The following TMEM120B variants were observed in gnomAD, a reference collection of about 807,000 sequenced individuals.
The protein encoded by TMEM120B is transmembrane protein 120B.
TMEM120B carries 31 observed loss-of-function variants against 55.5 expected under a neutral mutation model. The ratio of observed to expected loss-of-function variants is 0.56; its 90% CI spans 0.42 to 0.75. The LOEUF (loss-of-function observed/expected upper bound fraction) is 0.75. Among genes scored for constraint, TMEM120B ranks in the 30% least tolerant of loss-of-function variants. TMEM120B has a pLI of 0.00. For missense variants in TMEM120B, 399 were observed against 425.5 expected (o/e 0.94, Z 0.55); for synonymous variants, 203 against 176.3 (o/e 1.15, Z -1.20).
At chr12:121,773,292 T>C in intron 8 of TMEM120B, 129 bp from the exon 9 acceptor site, 3 of 746,096 alleles carry the variant, frequency 4.0e-6, no homozygotes, top group Non-Finnish European at 2.2e-6. Context: ...TGGGAGAGGG[T>C]TGTAACCAGG....
chr12:121,778,573 T>C lies in TMEM120B; in HGVS notation c.*2851T>C, dbSNP rs558451578. The stretch of plus-strand genomic sequence containing the variant: ...TCTATGAACCAGTTCTGAGAAACTG[T>C]CCCGCGTGGACAGGGGGTAGATCCC... On this transcript the variant is annotated 3_prime_UTR_variant, in exon 12 of 12. Transcript: ENST00000449592. The C allele has an allele frequency of 6.6e-6, 1 of 152,152 alleles. No individual in the cohort carries two copies. Among genetic ancestry groups the C allele is most frequent in the East Asian group, 1.9e-4 (1 of 5,170 alleles). The allele number at this position is 152,152 out of a possible 1,614,324, so 9.4% of individuals were successfully genotyped here. A position where few individuals can be genotyped will look rare whatever the true frequency, so the allele number is the denominator to read the frequency against.
intron 1 of TMEM120B, among the ~76,000 whole-genome samples, chr12:121,724,147 C>T (rs1220155883): frequency 6.8e-6 from 1 of 147,922 alleles, no homozygotes; most frequent in African/African-American, 2.5e-5. Context: ...AAGTGATTCT[C>T]CTGCCTCAGC....
chr12:121,760,673 A>G (rs1286528688), intron 5 of TMEM120B, among the ~76,000 whole-genome samples: 1 of 152,150 alleles, frequency 6.6e-6, no homozygotes, highest in Non-Finnish European at 1.5e-5. Context: ...CACCAGCTTC[A>G]TGTTTTTCCT....
intron 1 of TMEM120B, among the ~76,000 whole-genome samples, chr12:121,722,100 C>CTT (rs35866737): frequency 3.4e-5 from 4 of 118,956 alleles, no homozygotes; most frequent in South Asian, 2.7e-4. Context: ...CACACCTGGC[C>CTT]TTTTTTTTTT....
Position 121,752,156 on chromosome 12 carries a change from T to A in TMEM120B, c.394T>A (p.Phe132Ile). 1 of 1,613,452 alleles carries A rather than the reference T, an allele frequency of 6.2e-7. No individual in the cohort carries two copies. Among genetic ancestry groups the A allele is most frequent in the Non-Finnish European group, 8.5e-7 (1 of 1,179,856 alleles). ...KFAYKDEYEK[F>I]KLYLTIILLL... ...CGCCTACAAGGACGAATATGAGAAGTTCAAGCTCTACCTGACCATCATCCT... is the reference window on the plus strand; with the variant it reads ...CGCCTACAAGGACGAATATGAGAAGATCAAGCTCTACCTGACCATCATCCT... The change falls in exon 5 of 12, where the codon TTC becomes ATC. Residue 132 changes from phenylalanine (F) to isoleucine (I), a missense_variant. This residue lies in a region of TMEM120B where 260 missense variants were observed against 303.9 expected (regional missense o/e 0.86). Transcript: ENST00000449592.
Position 121,723,924 on chromosome 12 carries a change from G to A in TMEM120B, c.69+10960G>A, listed in dbSNP as rs149058939. Among the ~76,000 whole-genome samples the A allele has an allele frequency of 2.9e-3, 444 of 151,380 alleles. 3 individuals are homozygous for A. The highest frequency in any genetic ancestry group is 0.01 in the African/African-American group (429 of 41,210). ...CAAGTGATCCTCCTGTCTCAGTCTC[G>A]CAAGTAGCTGTGACTACAGGCACAT... is the stretch of plus-strand genomic sequence containing the variant. On this transcript the variant is annotated intron_variant, in intron 1 of 11. Coordinates refer to ENST00000449592, the MANE Select transcript of TMEM120B (RefSeq NM_001080825.2).
At chr12:121,746,097 G>A (rs1186165117) in intron 2 of TMEM120B, among the ~76,000 whole-genome samples, 1 of 152,012 alleles carries the variant, frequency 6.6e-6, no homozygotes, top group African/African-American at 2.4e-5. Context: ...CTGACTTCAG[G>A]TGATCTGCCC....
chr12:121,741,034 T>A lies in TMEM120B; in HGVS notation c.70-2595T>A, dbSNP rs575510693. Among the ~76,000 whole-genome samples the A allele has an allele frequency of 3.9e-5, 6 of 152,286 alleles. No individual in the cohort carries two copies. In the East Asian group the frequency reaches 1.2e-3, roughly 29 times the overall value. On this transcript the variant is annotated intron_variant, in intron 1 of 11. Coordinates refer to ENST00000449592, the MANE Select transcript of TMEM120B (RefSeq NM_001080825.2). ...CCAATAAAACTTTATTTATGGATAC[T>A]GCAATGCCAATTTATATAATTTTCA...
intron 6 of TMEM120B, among the ~76,000 whole-genome samples, chr12:121,762,834 G>C (rs1312424054): frequency 6.6e-6 from 1 of 152,152 alleles, no homozygotes; most frequent in Non-Finnish European, 1.5e-5. Context: ...CCTGGGTTCC[G>C]GTCCCAGTGC....
At chr12:121,773,540 CG>C in intron 9 of TMEM120B, 27 bp downstream of exon 9, 1 of 1,551,202 alleles carries the variant, frequency 6.4e-7, no homozygotes, top group Non-Finnish European at 8.7e-7. Flanking sequence ...GGGTTGGAGC[CG>C]GGGCAGGTAC....
chr12:121,750,778 TTACAGC>T (rs1873265497), intron 4 of TMEM120B, among the ~76,000 whole-genome samples: 1 of 67,316 alleles, frequency 1.5e-5, no homozygotes, highest in Non-Finnish European at 2.8e-5. Flanking sequence ...ACTCCACACC[TTACAGC>T]CACACCTACA....
At chr12:121,757,439 T>A (rs1873513611) in intron 5 of TMEM120B, among the ~76,000 whole-genome samples, 1 of 152,100 alleles carries the variant, frequency 6.6e-6, no homozygotes, top group East Asian at 1.9e-4. Flanking sequence ...CCTCCCGGGT[T>A]CACACCATTC....
chr12:121,748,831 A>C (rs902131857), intron 3 of TMEM120B, among the ~76,000 whole-genome samples: 2 of 152,204 alleles, frequency 1.3e-5, no homozygotes, highest in Non-Finnish European at 2.9e-5. Flanking sequence ...CGTCAGACCA[A>C]GAGATGCCCA....
intron 1 of TMEM120B, among the ~76,000 whole-genome samples, chr12:121,716,551 CTTTTTT>C (rs1033001121): frequency 7.8e-6 from 1 of 127,900 alleles, no homozygotes; most frequent in African/African-American, 2.9e-5. Context: ...CTCTTTTTCT[CTTTTTT>C]TTTCTTTCTT....
At chr12:121,755,217 A>G (rs1592940611) in intron 5 of TMEM120B, among the ~76,000 whole-genome samples, 1 of 152,092 alleles carries the variant, frequency 6.6e-6, no homozygotes, top group Non-Finnish European at 1.5e-5. Context: ...CCTTCTTGGT[A>G]CCACTAAGCC....
At chr12:121,750,930 A>T (rs1274744700) in intron 4 of TMEM120B, among the ~76,000 whole-genome samples, 5 of 28,718 alleles carry the variant, frequency 1.7e-4, no homozygotes, top group Admixed American at 9.0e-4. Flanking sequence ...CCCACACCTC[A>T]CCCCACACCC....
chr12:121,741,238 G>A (rs1872926290), intron 1 of TMEM120B, among the ~76,000 whole-genome samples: 1 of 152,128 alleles, frequency 6.6e-6, no homozygotes, highest in African/African-American at 2.4e-5. Context: ...AGCAAATACA[G>A]CATGATGGAA....
Position 121,774,683 on chromosome 12 carries a change from G to C in TMEM120B, c.798G>C (p.Arg266=). ...AAGGGTTCCAGTCCTGGATGTGGCGGGGCCTCACCTTTCTCCTGCCCTTCC... is the reference window on the plus strand; with the variant it reads ...AAGGGTTCCAGTCCTGGATGTGGCGCGGCCTCACCTTTCTCCTGCCCTTCC... ...TVEGFQSWMW[R]GLTFLLPFLF... The change falls in exon 10 of 12, where the codon CGG becomes CGC. Residue 266 remains arginine, a synonymous_variant. Coordinates refer to ENST00000449592, the MANE Select transcript of TMEM120B (RefSeq NM_001080825.2). 1 of 1,614,020 alleles carries C rather than the reference G, an allele frequency of 6.2e-7. No homozygotes were observed. The highest frequency in any genetic ancestry group is 8.5e-7 in the Non-Finnish European group (1 of 1,179,918).
In TMEM120B at chr12:121,775,507, T is replaced by G; in HGVS notation, c.907-102T>G. The G allele has an allele frequency of 6.7e-7, 1 of 1,491,916 alleles. No homozygotes were observed. Among genetic ancestry groups the G allele is most frequent in the Non-Finnish European group, 8.9e-7 (1 of 1,124,830 alleles). The allele number at this position is 1,491,916 out of a possible 1,614,324, so 92.4% of individuals were successfully genotyped here. ...CCTTCGATGGCAAAACCCTGCAGTTTGGGAGTTTGGGGGCAGCTGTGCTGG... is the reference window on the plus strand; with the variant it reads ...CCTTCGATGGCAAAACCCTGCAGTTGGGGAGTTTGGGGGCAGCTGTGCTGG... On this transcript the variant is annotated intron_variant, in intron 11 of 11. Coordinates refer to ENST00000449592, the MANE Select transcript of TMEM120B (RefSeq NM_001080825.2). The surrounding 1 kb of genome is among the most constrained non-coding windows in gnomAD (Gnocchi z 4.3).
Sources: allele counts gnomAD v4.1 joint callset (sites outside exome capture counted in the v4.1 genomes callset), GRCh38; gene constraint gnomAD v4.1.1; regional missense constraint gnomAD v4.1.1; non-coding constraint Gnocchi (gnomAD v3.1); transcripts MANE v1.5; gene names NCBI Gene and HGNC (gene_info 2026-07-23, HGNC 2026-07-21).